SNX30: variants seen among roughly 807,000 people sequenced by gnomAD.
SNX30 encodes the protein sorting nexin-30.
A neutral mutation model predicts 46.4 loss-of-function variants in SNX30; 24 were observed. The ratio of observed to expected loss-of-function variants is 0.52; its 90% CI spans 0.37 to 0.73. SNX30 has a LOEUF of 0.73. Ranked by LOEUF, SNX30 falls within the 30% of genes least tolerant of loss-of-function variation. The pLI is 0.00. For missense variants in SNX30, 533 were observed against 555.7 expected, an observed-to-expected ratio of 0.96 and a Z score of 0.41; for synonymous variants, 189 against 211.5, an observed-to-expected ratio of 0.89 and a Z score of 0.92.
intron 4 of SNX30, among the ~76,000 whole-genome samples, chr9:112,834,861 CACACACACACACACACACACA>C (rs1288302157): frequency 0.23 from 33,272 of 145,528 alleles, 4,657 homozygotes; most frequent in East Asian, 0.41. Context: ...CACACACACA[CACACACACACACACACACACA>C]CCTACCTCAA....
chr9:112,750,659 C>T (rs1839250186), upstream of SNX30, among the ~76,000 whole-genome samples: 1 of 151,614 alleles, frequency 6.6e-6, no homozygotes, highest in African/African-American at 2.4e-5. Flanking sequence ...TCCTTCCCCA[C>T]GTGCCCCTTC....
intron 1 of SNX30, among the ~76,000 whole-genome samples, chr9:112,768,679 A>C (rs1839592141): frequency 1.5e-5 from 1 of 68,700 alleles, no homozygotes; most frequent in Non-Finnish European, 2.7e-5. Flanking sequence ...TTTTTTTGAG[A>C]CGGTCTTGCT....
rs1252361973 is a variant in SNX30 at position 112,874,842 on chromosome 9, ATTG to A, written c.*6005_*6007del. ...TTTTCATATATCTGTGTATAAAAAA[ATTG>A]TTGTTTACTATGGAATTAGTATTAC... On this transcript the variant is annotated 3_prime_UTR_variant, in exon 9 of 9. Transcript: ENST00000374232. The A allele has an allele frequency of 6.6e-6, 1 of 152,232 alleles. No individual in the cohort carries two copies. Among genetic ancestry groups the A allele is most frequent in the Non-Finnish European group, 1.5e-5 (1 of 68,050 alleles). 9.4% of individuals were successfully genotyped at this position (152,232 alleles called of 1,614,324 possible).
At chr9:112,808,790 C>CCAG (rs1840271946) in intron 2 of SNX30, among the ~76,000 whole-genome samples, 1 of 152,140 alleles carries the variant, frequency 6.6e-6, no homozygotes, top group Non-Finnish European at 1.5e-5. Flanking sequence ...CTAGGAAATG[C>CCAG]CAGTAAGCAT....
At chr9:112,761,184 A>ACGGAGTCT (rs1384233996) in intron 1 of SNX30, among the ~76,000 whole-genome samples, 1 of 152,090 alleles carries the variant, frequency 6.6e-6, no homozygotes, top group Non-Finnish European at 1.5e-5. Flanking sequence ...TGTTTTTGAG[A>ACGGAGTCT]CGGAGTCTCG....
chr9:112,793,566 C>T (rs754729117), intron 1 of SNX30, among the ~76,000 whole-genome samples: 9 of 152,178 alleles, frequency 5.9e-5, no homozygotes, highest in Non-Finnish European at 8.8e-5. Flanking sequence ...TTCAAATTAG[C>T]GTGCGTGTAA....
At chr9:112,883,186 G>A (rs542740523), downstream of SNX30, among the ~76,000 whole-genome samples, 1 of 152,322 alleles carries the variant, frequency 6.6e-6, no homozygotes, top group East Asian at 1.9e-4. Flanking sequence ...GAGTGGGGGA[G>A]TGAGACAGCA....
chr9:112,794,082 G>A (rs1840068699), intron 1 of SNX30, among the ~76,000 whole-genome samples: 1 of 152,034 alleles, frequency 6.6e-6, no homozygotes, highest in African/African-American at 2.4e-5. Flanking sequence ...CTCCAAAGTG[G>A]GCTTAGCTTT....
At chr9:112,861,070 C>T (rs368347148) in intron 7 of SNX30, among the ~76,000 whole-genome samples, 13 of 152,294 alleles carry the variant, frequency 8.5e-5, no homozygotes, top group African/African-American at 3.1e-4. Context: ...AGGAAGGGAG[C>T]TGACTGCCCA....
intron 4 of SNX30, among the ~76,000 whole-genome samples, chr9:112,832,418 G>C (rs1453029857): frequency 4.3e-5 from 6 of 139,168 alleles, no homozygotes; most frequent in African/African-American, 1.6e-4. Context: ...TCTGTATGAA[G>C]AATAAGTAGG....
In SNX30 at chr9:112,792,292, T is replaced by A. The variant is rs143576056; in HGVS notation, c.157-12484T>A. Among the ~76,000 whole-genome samples, 1,259 of 152,344 alleles carry A rather than the reference T, an allele frequency of 8.3e-3. 10 individuals carry two copies. Among genetic ancestry groups the A allele is most frequent in the Non-Finnish European group, 0.011 (738 of 68,024 alleles). ...TTCACCTTGATCACATAATTTTTCC[T>A]AGAAAGCCAGCTAGCTCATATAGAT... is the stretch of plus-strand genomic sequence containing the variant. On this transcript the variant is annotated intron_variant, in intron 1 of 8. Coordinates refer to ENST00000374232, the MANE Select transcript of SNX30 (RefSeq NM_001012994.2).
intron 1 of SNX30, among the ~76,000 whole-genome samples, chr9:112,759,727 CAA>C (rs57320231): frequency 2.9e-3 from 393 of 137,378 alleles, no homozygotes; most frequent in Middle Eastern, 3.7e-3. Flanking sequence ...GACTCCATCT[CAA>C]AAAAAAAAAA....
chr9:112,870,962 T>C lies in SNX30; in HGVS notation c.*2119T>C, dbSNP rs1443422771. On this transcript the variant is annotated 3_prime_UTR_variant, in exon 9 of 9. Coordinates refer to ENST00000374232, the MANE Select transcript of SNX30 (RefSeq NM_001012994.2). The stretch of plus-strand genomic sequence containing the variant: ...TTGCCAAAACCCAGAAACATTCCTG[T>C]GTAATGGTTAGTTGGGAAAGAAGGC... The C allele has an allele frequency of 6.6e-6, 1 of 152,210 alleles. No homozygotes were observed. Among genetic ancestry groups the C allele is most frequent in the Non-Finnish European group, 1.5e-5 (1 of 68,044 alleles). The allele number at this position is 152,210 out of a possible 1,614,324, so 9.4% of individuals were successfully genotyped here. A position where few individuals can be genotyped will look rare whatever the true frequency, so the allele number is the denominator to read the frequency against.
chr9:112,818,475 C>T (rs997695293), intron 3 of SNX30, among the ~76,000 whole-genome samples: 2 of 152,152 alleles, frequency 1.3e-5, no homozygotes, highest in Admixed American at 6.5e-5. Flanking sequence ...GGTGATCCAC[C>T]GACCTCAGCC....
chr9:112,769,430 A>G (rs1388181022), intron 1 of SNX30, among the ~76,000 whole-genome samples: 2 of 152,170 alleles, frequency 1.3e-5, no homozygotes, highest in Non-Finnish European at 2.9e-5. Context: ...TGATGCCAGG[A>G]GTCTCCACTA....
intron 7 of SNX30, among the ~76,000 whole-genome samples, chr9:112,851,460 G>T (rs888295842): frequency 3.9e-5 from 6 of 152,216 alleles, no homozygotes; most frequent in Non-Finnish European, 7.3e-5. Flanking sequence ...TGCACGGCAG[G>T]ACTACAGCTT....
intron 1 of SNX30, among the ~76,000 whole-genome samples, chr9:112,793,482 C>A (rs1404981961): frequency 2.0e-5 from 3 of 152,204 alleles, no homozygotes; most frequent in African/African-American, 7.2e-5. Flanking sequence ...TCACAGCAGC[C>A]AACTCCTTGG....
intron 1 of SNX30, among the ~76,000 whole-genome samples, chr9:112,765,846 C>T (rs59992307): frequency 0.044 from 6,669 of 152,194 alleles, 484 homozygotes; most frequent in African/African-American, 0.15. Flanking sequence ...CTCTGTTGCC[C>T]AGGCTGGAGT....
chr9:112,881,054 G>A (rs182046124), intron 5 of SNX30, among the ~76,000 whole-genome samples: 14 of 152,308 alleles, frequency 9.2e-5, no homozygotes, highest in African/African-American at 2.9e-4. Flanking sequence ...AGAATTAGCT[G>A]CCTCATCGTC....
Sources: gnomAD v4.1 joint callset for allele counts (sites outside exome capture counted in the v4.1 genomes callset) on GRCh38, gnomAD v4.1.1 for gene constraint, MANE v1.5 for transcripts, NCBI Gene and HGNC (gene_info 2026-07-23, HGNC 2026-07-21) for gene names.